DIPK1A: variants seen among roughly 807,000 people sequenced by gnomAD.
DIPK1A encodes the protein divergent protein kinase domain 1A, also known as family with sequence similarity 69 member A.
In DIPK1A, 27 loss-of-function variants were observed where a neutral mutation model predicts 40.8. That is an observed-to-expected ratio of 0.66 (90% CI 0.49 to 0.91). The LOEUF (loss-of-function observed/expected upper bound fraction) is 0.91, where lower values mean the gene tolerates loss of function less well. Ranked by LOEUF, DIPK1A falls within the 40% of genes least tolerant of loss-of-function variation. DIPK1A has a pLI of 0.00. For synonymous variants in DIPK1A, 166 were observed against 171.3 expected (o/e 0.97, Z 0.24); for missense variants, 412 against 505.7 (o/e 0.81, Z 1.78).
At chr1:92,837,710 A>G (rs1030577822), downstream of DIPK1A, 10 of 1,178,088 alleles carry the variant, frequency 8.5e-6, no homozygotes, top group Non-Finnish European at 1.1e-5. Context: ...GGGGCAGGTA[A>G]CATTCTTATA....
intron 1 of DIPK1A, among the ~76,000 whole-genome samples, chr1:92,945,611 G>A (rs1651329805): frequency 6.6e-6 from 1 of 152,176 alleles, no homozygotes; most frequent in Non-Finnish European, 1.5e-5. Context: ...ATAAACTTCA[G>A]GATCCTAAGA....
chr1:92,922,927 T>G (rs1173662885), intron 1 of DIPK1A, among the ~76,000 whole-genome samples: 1 of 142,650 alleles, frequency 7.0e-6, no homozygotes, highest in Non-Finnish European at 1.5e-5. Context: ...TTTCATCTCC[T>G]TTTTTTTTTT....
rs796637155 is a variant in DIPK1A, at chr1:92,846,841, A to ATG, written c.474+340_474+341dup. ...TATATATATATATATATATATATAT[A>ATG]TGTGTGTATATATATATGTGTGTAT... On this transcript the variant is annotated intron_variant, in intron 4 of 4. Coordinates refer to ENST00000370310, the MANE Select transcript of DIPK1A (RefSeq NM_001006605.5). Among the ~76,000 whole-genome samples the ATG allele has an allele frequency of 4.4e-3, 9 of 2,062 alleles. 2 individuals are homozygous for ATG. Among genetic ancestry groups the ATG allele is most frequent in the African/African-American group, 0.022 (6 of 274 alleles). The allele number at this position is 2,062 out of a possible 152,430, so 1.4% of individuals were successfully genotyped here.
chr1:92,843,757 T>C lies in DIPK1A; in HGVS notation c.913A>G (p.Lys305Glu). 3 of 1,551,824 alleles carry C rather than the reference T, an allele frequency of 1.9e-6. No individual in the cohort carries two copies. The highest frequency in any genetic ancestry group is 2.6e-6 in the Non-Finnish European group (3 of 1,147,014). The stretch of plus-strand genomic sequence containing the variant: ...ATATCCACCATTTTCAAATCATACT[T>C]ATCATTATATCCTAGGTTTTTGGCA... ...TSAKNLGYNDKYDLKMVDMRK... is the reference protein window; with the variant it reads ...TSAKNLGYNDEYDLKMVDMRK... Residue 305 changes from lysine to glutamate, a missense_variant, in exon 5 of 5, where the codon AAG becomes GAG. By Grantham distance (56) the Lys-to-Glu change is moderately conservative. Coordinates refer to ENST00000370310, the MANE Select transcript of DIPK1A (RefSeq NM_001006605.5).
intron 1 of DIPK1A, among the ~76,000 whole-genome samples, chr1:92,904,263 G>C (rs778397503): frequency 4.6e-5 from 7 of 152,164 alleles, no homozygotes; most frequent in Non-Finnish European, 7.4e-5. Context: ...GCAGGGAATT[G>C]AGGCACCTTC....
chr1:92,886,572 T>C (rs1425486273), intron 1 of DIPK1A, among the ~76,000 whole-genome samples: 1 of 152,076 alleles, frequency 6.6e-6, no homozygotes, highest in East Asian at 1.9e-4. Context: ...AGGTGTGCCA[T>C]AACTTATCTA....
chr1:92,845,061 C>T (rs978087533), intron 4 of DIPK1A, among the ~76,000 whole-genome samples: 45 of 150,820 alleles, frequency 3.0e-4, no homozygotes, highest in African/African-American at 1.1e-3. Flanking sequence ...TCTCCTGCCT[C>T]ACCCTCCCGA....
At chr1:92,882,900 A>G (rs1290951847) in intron 1 of DIPK1A, among the ~76,000 whole-genome samples, 1 of 152,218 alleles carries the variant, frequency 6.6e-6, no homozygotes, top group Non-Finnish European at 1.5e-5. Flanking sequence ...CTTTGGAAAC[A>G]TATAATTCAA....
chr1:92,838,216 T>G (rs1456274247), downstream of DIPK1A, among the ~76,000 whole-genome samples: 1 of 152,222 alleles, frequency 6.6e-6, no homozygotes, highest in African/African-American at 2.4e-5. Flanking sequence ...AATGACCACT[T>G]TCTGTTATTT....
At chr1:92,856,428 TA>T (rs1435875705) in intron 2 of DIPK1A, among the ~76,000 whole-genome samples, 1 of 152,164 alleles carries the variant, frequency 6.6e-6, no homozygotes. Flanking sequence ...TTATTATTAT[TA>T]TTTTTTGAGA....
intron 1 of DIPK1A, among the ~76,000 whole-genome samples, chr1:92,919,616 ACT>A (rs934823310): frequency 2.6e-5 from 4 of 152,142 alleles, no homozygotes; most frequent in Non-Finnish European, 4.4e-5. Context: ...TTTGATTATT[ACT>A]CTGAGTATAC....
chr1:92,894,625 C>G (rs1317233064), intron 1 of DIPK1A, among the ~76,000 whole-genome samples: 2 of 152,038 alleles, frequency 1.3e-5, no homozygotes, highest in East Asian at 3.8e-4. Context: ...CATTCAAAAG[C>G]TAGCAGAAGG....
intron 1 of DIPK1A, among the ~76,000 whole-genome samples, chr1:92,944,711 C>T (rs1265897892): frequency 6.6e-6 from 1 of 152,190 alleles, no homozygotes; most frequent in African/African-American, 2.4e-5. Context: ...TGGCTCACTG[C>T]AGCTTCCACC....
At chr1:92,841,786 C>T (rs1687375885), downstream of DIPK1A, 3 of 1,611,468 alleles carry the variant, frequency 1.9e-6, no homozygotes, top group Non-Finnish European at 2.5e-6. Context: ...CCCAAAATGT[C>T]CCTTGCTCAG....
chr1:92,949,308 CTT>C (rs984137754), intron 1 of DIPK1A, among the ~76,000 whole-genome samples: 1 of 151,784 alleles, frequency 6.6e-6, no homozygotes, highest in Non-Finnish European at 1.5e-5. Context: ...GAGTTTCGCT[CTT>C]GTTGCCCAGG....
At chr1:92,841,031 C>CA (rs749524291), downstream of DIPK1A, among the ~76,000 whole-genome samples, 1 of 152,224 alleles carries the variant, frequency 6.6e-6, no homozygotes, top group Non-Finnish European at 1.5e-5. Context: ...ATATTCACCT[C>CA]AAATACTTAA....
intron 1 of DIPK1A, among the ~76,000 whole-genome samples, chr1:92,892,259 G>A (rs554870427): frequency 6.6e-6 from 1 of 152,240 alleles, no homozygotes; most frequent in East Asian, 1.9e-4. Context: ...GCACCCCGCA[G>A]TAGGGGCAGA....
intron 1 of DIPK1A, among the ~76,000 whole-genome samples, chr1:92,915,858 C>T (rs11164836): frequency 0.35 from 52,689 of 151,818 alleles, 9,590 homozygotes; most frequent in African/African-American, 0.37. Context: ...AGTCCCAAAA[C>T]GGAAACAATC....
chr1:92,885,296 T>TA (rs768720401), intron 1 of DIPK1A, among the ~76,000 whole-genome samples: 14 of 152,156 alleles, frequency 9.2e-5, no homozygotes, highest in Non-Finnish European at 1.9e-4. Flanking sequence ...TACTCTGACA[T>TA]AGATTTCCAG....
Sources: gnomAD v4.1 joint callset for allele counts (sites outside exome capture counted in the v4.1 genomes callset) on GRCh38, gnomAD v4.1.1 for gene constraint, MANE v1.5 for transcripts, NCBI Gene and HGNC (gene_info 2026-07-23, HGNC 2026-07-21) for gene names.